Variants in FRMPD4 observed in about 807,000 individuals in gnomAD.
FRMPD4 encodes the protein FERM and PDZ domain containing 4, also known as FERM and PDZ domain-containing protein 4.
A neutral mutation model predicts 94.1 loss-of-function variants in FRMPD4; 22 were observed. The ratio of observed to expected loss-of-function variants is 0.23; its 90% CI spans 0.17 to 0.33. FRMPD4 has a LOEUF of 0.33. Among genes scored for constraint, FRMPD4 ranks in the 10% least tolerant of loss-of-function variants. The pLI is 1.00. For synonymous variants in FRMPD4, 631 were observed against 548.6 expected, an observed-to-expected ratio of 1.15 and a Z score of -2.10; for missense variants, 1,111 against 1,339.9, an observed-to-expected ratio of 0.83 and a Z score of 2.67.
chrX:12,312,529 A>T (rs1429220729), intron 1 of FRMPD4, among the ~76,000 whole-genome samples: 1 of 110,720 alleles, frequency 9.0e-6, no homozygotes, highest in East Asian at 2.8e-4. Flanking sequence ...CTGGGATTAC[A>T]GGTGTGAGCC....
intron 4 of FRMPD4, among the ~76,000 whole-genome samples, chrX:12,621,998 GAAA>G (rs2059297912): frequency 2.7e-4 from 12 of 45,194 alleles, no homozygotes; most frequent in East Asian, 1.7e-3. Context: ...AAGAAAGAAA[GAAA>G]GAAAGAAAGA....
At chrX:12,127,775 T>C (rs2078945) in intron 3 of FRMPD4, among the ~76,000 whole-genome samples, 48,490 of 111,333 alleles carry the variant, frequency 0.44, 8,438 homozygotes, top group East Asian at 0.82. Flanking sequence ...AAGTTAATTA[T>C]TTCCTAGATA....
At chrX:11,909,831 A>G (rs1036245016) in intron 3 of FRMPD4, among the ~76,000 whole-genome samples, 1 of 110,386 alleles carries the variant, frequency 9.1e-6, no homozygotes, top group Admixed American at 9.7e-5. Flanking sequence ...CAAATGTGTG[A>G]GAGATTTTCC....
At chrX:11,852,838 AG>A (rs2053632895) in intron 1 of FRMPD4, among the ~76,000 whole-genome samples, 1 of 111,853 alleles carries the variant, frequency 8.9e-6, no homozygotes, top group Admixed American at 9.5e-5. Context: ...TGAGAATATT[AG>A]GTCATTGAGA....
At chrX:12,607,423 C>T (rs1266476202) in intron 2 of FRMPD4, among the ~76,000 whole-genome samples, 2 of 111,844 alleles carry the variant, frequency 1.8e-5, no homozygotes, top group Non-Finnish European at 3.8e-5. Flanking sequence ...GCCAGCATCA[C>T]GGGTGTGTGA....
chrX:12,647,467 G>T (rs1015866239), intron 4 of FRMPD4, among the ~76,000 whole-genome samples: 1 of 111,312 alleles, frequency 9.0e-6, no homozygotes, highest in Non-Finnish European at 1.9e-5. Flanking sequence ...ATTGAATGAG[G>T]ACTCCTCTGT....
At chrX:12,665,592 C>T (rs972923627) in intron 4 of FRMPD4, among the ~76,000 whole-genome samples, 1 of 112,137 alleles carries the variant, frequency 8.9e-6, no homozygotes, top group African/African-American at 3.2e-5. Context: ...GCTCTGAAAC[C>T]CTACAAGCCA....
intron 1 of FRMPD4, among the ~76,000 whole-genome samples, chrX:12,307,011 G>T (rs1450048336): frequency 8.9e-6 from 1 of 112,562 alleles, no homozygotes; most frequent in African/African-American, 3.2e-5. Flanking sequence ...GAAAGCAAGT[G>T]TGGGGTGTGC....
At chrX:12,096,267 A>T (rs2055200321) in intron 3 of FRMPD4, among the ~76,000 whole-genome samples, 1 of 112,505 alleles carries the variant, frequency 8.9e-6, no homozygotes, top group African/African-American at 3.2e-5. Flanking sequence ...TGCAATTCAT[A>T]TGGAAATTAT....
chrX:11,968,138 AAG>A (rs975792200), intron 3 of FRMPD4, among the ~76,000 whole-genome samples: 10 of 111,108 alleles, frequency 9.0e-5, no homozygotes, highest in African/African-American at 3.3e-4. Context: ...GGTCAAAAGA[AAG>A]AGAACAGTAA....
intron 3 of FRMPD4, among the ~76,000 whole-genome samples, chrX:11,964,973 G>T (rs1268890111): frequency 8.9e-6 from 1 of 112,500 alleles, no homozygotes; most frequent in Non-Finnish European, 1.9e-5. Flanking sequence ...CAGTGATAGC[G>T]GGCTTTCTCA....
rs371680982 is a variant in FRMPD4, at chrX:12,052,312, T to C, written c.95+174294T>C. On this transcript the variant is annotated intron_variant, in intron 3 of 18. Transcript: ENST00000640291. ...AAAAGTGTTTCTTGTGGTCATTAAATGCCCTTTGTTTTCTGCCTAGAGCTT... is the reference window on the plus strand; with the variant it reads ...AAAAGTGTTTCTTGTGGTCATTAAACGCCCTTTGTTTTCTGCCTAGAGCTT... Among the ~76,000 whole-genome samples, 6 of 111,979 alleles carry C rather than the reference T, an allele frequency of 5.4e-5. No homozygotes were observed. The East Asian group carries it at 1.4e-3, about 26-fold the overall frequency.
intron 3 of FRMPD4, among the ~76,000 whole-genome samples, chrX:11,919,088 T>A (rs955448900): frequency 4.4e-5 from 5 of 112,599 alleles, no homozygotes; most frequent in African/African-American, 1.6e-4. Context: ...TTATTATCCA[T>A]TATCTTCTAG....
chrX:12,056,092 A>T (rs1443173916), intron 3 of FRMPD4, among the ~76,000 whole-genome samples: 1 of 111,996 alleles, frequency 8.9e-6, no homozygotes, highest in Non-Finnish European at 1.9e-5. Flanking sequence ...TTATGTGTAC[A>T]AACTAAAAAT....
chrX:12,443,012 C>T (rs990800741), intron 1 of FRMPD4, among the ~76,000 whole-genome samples: 2 of 111,139 alleles, frequency 1.8e-5, no homozygotes, highest in African/African-American at 6.5e-5. Context: ...TTTATTTGTT[C>T]GAAATATCCA....
At chrX:11,825,865 A>G (rs548153455) in intron 1 of FRMPD4, among the ~76,000 whole-genome samples, 1 of 112,644 alleles carries the variant, frequency 8.9e-6, no homozygotes, top group African/African-American at 3.2e-5. Context: ...TATTTCAAAT[A>G]AAAGCTAAGA....
chrX:12,659,601 A>G (rs912926848), intron 4 of FRMPD4, among the ~76,000 whole-genome samples: 6 of 112,604 alleles, frequency 5.3e-5, no homozygotes, highest in African/African-American at 1.9e-4. Context: ...AATATCCCCT[A>G]TGGGGTAAAA....
chrX:12,401,074 C>T (rs750180415), intron 1 of FRMPD4, among the ~76,000 whole-genome samples: 1 of 111,507 alleles, frequency 9.0e-6, no homozygotes, highest in African/African-American at 3.3e-5. Flanking sequence ...GAGAAAATGG[C>T]CAACTTAAAT....
chrX:12,433,650 T>C (rs186407962), intron 1 of FRMPD4, among the ~76,000 whole-genome samples: 58 of 112,348 alleles, frequency 5.2e-4, no homozygotes, highest in African/African-American at 1.7e-3. Flanking sequence ...AGGTACACCT[T>C]ACTTCCTGCC....
Sources: gnomAD v4.1 joint callset for allele counts (sites outside exome capture counted in the v4.1 genomes callset) on GRCh38, gnomAD v4.1.1 for gene constraint, MANE v1.5 for transcripts, NCBI Gene and HGNC (gene_info 2026-07-23, HGNC 2026-07-21) for gene names.